CDH13: variants seen among roughly 807,000 people sequenced by gnomAD.
The protein encoded by CDH13 is cadherin 13, also known as cadherin-13.
In CDH13, 24 loss-of-function variants were observed where a neutral mutation model predicts 63.8. The ratio of observed to expected loss-of-function variants is 0.38; its 90% CI spans 0.27 to 0.53. CDH13 has a LOEUF of 0.53. Among genes scored for constraint, CDH13 ranks in the 20% least tolerant of loss-of-function variants. The pLI is 0.85. For missense variants in CDH13, 1,049 were observed against 903.1 expected, an observed-to-expected ratio of 1.16 and a Z score of -2.07; for synonymous variants, 503 against 355.3, an observed-to-expected ratio of 1.42 and a Z score of -4.67.
At chr16:82,957,480 T>C (rs1029121663) in intron 2 of CDH13, among the ~76,000 whole-genome samples, 2 of 152,204 alleles carry the variant, frequency 1.3e-5, no homozygotes, top group Non-Finnish European at 2.9e-5. Flanking sequence ...ACTAGTATGT[T>C]GGCAATAGCA....
At chr16:83,739,583 C>A (rs961408050) in intron 10 of CDH13, among the ~76,000 whole-genome samples, 1 of 151,948 alleles carries the variant, frequency 6.6e-6, no homozygotes, top group Non-Finnish European at 1.5e-5. Flanking sequence ...AACTAAGCCC[C>A]CTTTGACAGC....
chr16:83,419,013 A>G (rs1259962257), intron 6 of CDH13, among the ~76,000 whole-genome samples: 1 of 152,120 alleles, frequency 6.6e-6, no homozygotes, highest in Admixed American at 6.5e-5. Flanking sequence ...TGCCTTCATG[A>G]CACCTCATCT....
intron 7 of CDH13, among the ~76,000 whole-genome samples, chr16:83,568,277 A>G (rs1387816712): frequency 2.0e-5 from 3 of 152,240 alleles, no homozygotes; most frequent in African/African-American, 7.2e-5. Context: ...TGGCCTTTAA[A>G]AATATTAATT....
At chr16:83,587,233 A>C (rs1367009204) in intron 7 of CDH13, among the ~76,000 whole-genome samples, 3 of 152,228 alleles carry the variant, frequency 2.0e-5, no homozygotes, top group East Asian at 1.9e-4. Flanking sequence ...AATCAGGCTC[A>C]GCAAAGCCAA....
intron 4 of CDH13, among the ~76,000 whole-genome samples, chr16:83,161,918 A>G (rs75938890): frequency 0.023 from 3,428 of 152,316 alleles, 60 homozygotes; most frequent in East Asian, 0.1. Context: ...CAGAGAACAA[A>G]TGATCATTAT....
At chr16:82,765,831 G>A (rs1024013689) in intron 1 of CDH13, among the ~76,000 whole-genome samples, 34 of 152,128 alleles carry the variant, frequency 2.2e-4, no homozygotes, top group Non-Finnish European at 1.5e-5. Flanking sequence ...GGCCCTGTAA[G>A]TTCTTGGATA....
intron 5 of CDH13, among the ~76,000 whole-genome samples, chr16:83,344,561 A>G (rs2090796601): frequency 6.6e-6 from 1 of 152,180 alleles, no homozygotes; most frequent in Non-Finnish European, 1.5e-5. Flanking sequence ...TACAAGCGTA[A>G]TTTCTTGGCT....
intron 1 of CDH13, among the ~76,000 whole-genome samples, chr16:82,801,383 C>T (rs2036846178): frequency 6.6e-6 from 1 of 152,212 alleles, no homozygotes; most frequent in African/African-American, 2.4e-5. Context: ...GATTCAAATG[C>T]TTTAAGGAAA....
intron 1 of CDH13, among the ~76,000 whole-genome samples, chr16:82,677,915 C>G (rs1002335932): frequency 2.0e-5 from 3 of 152,128 alleles, no homozygotes; most frequent in Admixed American, 2.0e-4. Flanking sequence ...TTTGCCATCT[C>G]TAAATGATTG....
chr16:83,182,392 C>T (rs979841503), intron 4 of CDH13, among the ~76,000 whole-genome samples: 1 of 152,158 alleles, frequency 6.6e-6, no homozygotes, highest in Non-Finnish European at 1.5e-5. Context: ...CTTCTGTCTG[C>T]CATGGGTTTG....
intron 3 of CDH13, among the ~76,000 whole-genome samples, chr16:83,079,204 G>T (rs573120386): frequency 1.3e-5 from 2 of 152,174 alleles, no homozygotes; most frequent in Non-Finnish European, 2.9e-5. Flanking sequence ...TCAAACAGGG[G>T]CTACTCAGCT....
At chr16:83,086,325 G>C (rs934210364) in intron 3 of CDH13, among the ~76,000 whole-genome samples, 2 of 152,234 alleles carry the variant, frequency 1.3e-5, no homozygotes, top group African/African-American at 4.8e-5. Flanking sequence ...TTCAATTCCA[G>C]ATCTACCATT....
intron 6 of CDH13, among the ~76,000 whole-genome samples, chr16:83,455,067 A>C (rs1000275475): frequency 1.3e-5 from 2 of 152,226 alleles, no homozygotes; most frequent in Non-Finnish European, 2.9e-5. Flanking sequence ...AATCTTTAAA[A>C]TCGGAGCCAT....
chr16:83,060,808 C>T (rs949601168), intron 3 of CDH13, among the ~76,000 whole-genome samples: 31 of 152,290 alleles, frequency 2.0e-4, no homozygotes, highest in Middle Eastern at 3.4e-3. Flanking sequence ...CTGCTGTGAA[C>T]CCTTGCTTTC....
At chr16:83,575,174 T>G (rs548141781) in intron 7 of CDH13, among the ~76,000 whole-genome samples, 1 of 152,320 alleles carries the variant, frequency 6.6e-6, no homozygotes, top group Non-Finnish European at 1.5e-5. Context: ...TGACTGCTGA[T>G]GGATATGGAA....
chr16:83,138,192 C>T (rs1286125126), intron 4 of CDH13, among the ~76,000 whole-genome samples: 2 of 152,118 alleles, frequency 1.3e-5, no homozygotes, highest in African/African-American at 4.8e-5. Context: ...CTTGAGCAGG[C>T]ATACACTCTC....
chr16:82,934,894 C>T (rs1284176699), intron 2 of CDH13, among the ~76,000 whole-genome samples: 1 of 152,204 alleles, frequency 6.6e-6, no homozygotes, highest in Non-Finnish European at 1.5e-5. Context: ...CAACAAGTAT[C>T]TAGTAAGTTC....
In CDH13 at chr16:83,195,574, G is replaced by A. The variant is rs192868769; in HGVS notation, c.484-21771G>A. ...AACTCTATCACGAGAATAGCACTAGGAGGGTGGTGCTAAACCACTAATGAG... is the reference window on the plus strand; with the variant it reads ...AACTCTATCACGAGAATAGCACTAGAAGGGTGGTGCTAAACCACTAATGAG... On this transcript the variant is annotated intron_variant, in intron 4 of 13. Coordinates refer to ENST00000567109, the MANE Select transcript of CDH13 (RefSeq NM_001257.5). Among the ~76,000 whole-genome samples, 9 of 152,220 alleles carry A rather than the reference G, an allele frequency of 5.9e-5. No individual in the cohort carries two copies. The East Asian group carries it at 1.7e-3, about 29-fold the overall frequency.
At chr16:83,213,519 G>T (rs1263528474) in intron 4 of CDH13, among the ~76,000 whole-genome samples, 1 of 152,110 alleles carries the variant, frequency 6.6e-6, no homozygotes, top group Non-Finnish European at 1.5e-5. Flanking sequence ...GGCTTTTCCT[G>T]GCAGGTCTTC....
Sources: allele counts gnomAD v4.1 joint callset (sites outside exome capture counted in the v4.1 genomes callset), GRCh38; gene constraint gnomAD v4.1.1; transcripts MANE v1.5; gene names NCBI Gene and HGNC (gene_info 2026-07-23, HGNC 2026-07-21).